The following TFDP1 variants were observed in gnomAD, a reference collection of about 807,000 sequenced individuals.
The protein encoded by TFDP1 is DRTF1-polypeptide 1.
A neutral mutation model predicts 48.0 loss-of-function variants in TFDP1; 6 were observed. That is an observed-to-expected ratio of 0.13 (90% confidence interval 0.07 to 0.25). The LOEUF is 0.25. TFDP1 is among the 10% of genes least tolerant of loss of function. The pLI is 1.00. For missense variants in TFDP1, 335 were observed against 543.0 expected (o/e 0.62, Z 3.81); for synonymous variants, 201 against 211.6 (o/e 0.95, Z 0.44).
chr13:113,635,740 G>A (rs1315766124), intron 8 of TFDP1, among the ~76,000 whole-genome samples: 1 of 150,382 alleles, frequency 6.6e-6, no homozygotes, highest in East Asian at 1.9e-4. Flanking sequence ...CTTTTATCAG[G>A]GCACGGATGG....
chr13:113,617,966 A>G (rs2048904474), intron 3 of TFDP1, among the ~76,000 whole-genome samples: 1 of 152,248 alleles, frequency 6.6e-6, no homozygotes, highest in Admixed American at 6.5e-5. Context: ...ATTCTTAACT[A>G]GTTTTCTTCC....
chr13:113,603,842 T>A (rs2048499489), intron 2 of TFDP1, among the ~76,000 whole-genome samples: 1 of 152,170 alleles, frequency 6.6e-6, no homozygotes, highest in South Asian at 2.1e-4. Context: ...GTGTAAAGAT[T>A]TAACAGGAAA....
intron 4 of TFDP1, among the ~76,000 whole-genome samples, chr13:113,631,006 G>A (rs189759332): frequency 1.0e-3 from 154 of 152,348 alleles, no homozygotes; most frequent in African/African-American, 3.2e-3. Flanking sequence ...GCCTGACGCC[G>A]TTGTGGGTGC....
At chr13:113,591,367 T>G (rs2048142645) in intron 2 of TFDP1, among the ~76,000 whole-genome samples, 1 of 151,998 alleles carries the variant, frequency 6.6e-6, no homozygotes, top group Non-Finnish European at 1.5e-5. Context: ...GAAAAAAGTT[T>G]TGCCCCTAAA....
intron 4 of TFDP1, among the ~76,000 whole-genome samples, chr13:113,629,119 A>G (rs1188924495): frequency 6.6e-6 from 1 of 152,244 alleles, no homozygotes; most frequent in African/African-American, 2.4e-5. Flanking sequence ...GGTGAGGAGC[A>G]GGGACAGTGC....
intron 3 of TFDP1, among the ~76,000 whole-genome samples, chr13:113,614,378 C>G (rs529155814): frequency 1.3e-5 from 2 of 152,286 alleles, no homozygotes; most frequent in African/African-American, 4.8e-5. Flanking sequence ...GCAGGGTCCT[C>G]GGCGCCCTTA....
intron 3 of TFDP1, among the ~76,000 whole-genome samples, chr13:113,613,805 GTC>G (rs60446272): frequency 0.017 from 2,514 of 151,224 alleles, 41 homozygotes; most frequent in Non-Finnish European, 0.022. Context: ...CGTGTGGAGT[GTC>G]TGTGCGTGTC....
At chr13:113,629,059 G>C (rs112996868) in intron 4 of TFDP1, among the ~76,000 whole-genome samples, 1 of 152,180 alleles carries the variant, frequency 6.6e-6, no homozygotes, top group South Asian at 2.1e-4. Context: ...GCTCCAGGCC[G>C]CCCCTGTGAT....
chr13:113,624,643 G>A (rs112510458), intron 4 of TFDP1, among the ~76,000 whole-genome samples: 186 of 97,898 alleles, frequency 1.9e-3, no homozygotes, highest in Middle Eastern at 0.01. Flanking sequence ...CTCTCAGGGT[G>A]TCTCTCACAT....
intron 2 of TFDP1, among the ~76,000 whole-genome samples, chr13:113,594,313 C>T (rs967460551): frequency 1.3e-5 from 2 of 150,578 alleles, no homozygotes; most frequent in Non-Finnish European, 3.0e-5. Context: ...TGTGGGTCCT[C>T]ACCCTGCCCA....
intron 1 of TFDP1, among the ~76,000 whole-genome samples, 181 bp downstream of exon 1, chr13:113,585,069 G>C (rs2047963508): frequency 6.8e-6 from 1 of 146,880 alleles, no homozygotes; most frequent in African/African-American, 2.4e-5. Context: ...GCGCTGGTAG[G>C]GGCTCCCCAG....
Position 113,637,215 on chromosome 13 carries a change from C to CA in TFDP1, c.1006+516dup, listed in dbSNP as rs1235926744. ...TCTTTCCTTGGGGGCCGTAGGGTCC[C>CA]AGCCACTGACAGCAGGATGGCTTTA... On this transcript the variant is annotated intron_variant, in intron 10 of 11. Transcript: ENST00000375370. The CA allele has an allele frequency of 1.4e-4, 27 of 198,718 alleles. No homozygotes were observed. The South Asian group carries it at 2.1e-3, about 16-fold the overall frequency. 12.3% of individuals were successfully genotyped at this position (198,718 alleles called of 1,614,324 possible). A position where few individuals can be genotyped will look rare whatever the true frequency, so the allele number is the denominator to read the frequency against.
At chr13:113,597,395 G>A (rs777344878) in intron 2 of TFDP1, among the ~76,000 whole-genome samples, 12 of 152,190 alleles carry the variant, frequency 7.9e-5, no homozygotes, top group Non-Finnish European at 1.5e-4. Flanking sequence ...ACCCCGTCGC[G>A]CTGTCTGGCA....
chr13:113,636,643 G>A lies in TFDP1; in HGVS notation c.949G>A (p.Glu317Lys), dbSNP rs750015004. ...CGLESGSCSA[E>K]DLKMARSLVP... The stretch of plus-strand genomic sequence containing the variant: ...GCTGGAGTCGGGGAGCTGCTCTGCC[G>A]AAGACCTTAAAATGGCCAGAAGTCT... Residue 317 changes from glutamate (E) to lysine (K), a missense_variant, in exon 10 of 12, where the codon GAA (glutamate) becomes AAA (lysine). Around this residue, in one of 3 missense-constraint regions of TFDP1, gnomAD observed 204 missense variants for 287.1 expected, o/e 0.71. Transcript: ENST00000375370. The A allele has an allele frequency of 1.4e-5, 22 of 1,614,098 alleles. No homozygotes were observed. Among genetic ancestry groups the A allele is most frequent in the African/African-American group, 8.0e-5 (6 of 74,930 alleles).
chr13:113,620,185 C>G (rs1056464713), intron 3 of TFDP1, among the ~76,000 whole-genome samples: 9 of 152,208 alleles, frequency 5.9e-5, no homozygotes. Context: ...GAGGGCAGGC[C>G]GGATGCCCCG....
rs1442638911 is a variant in TFDP1, at chr13:113,636,511, C to T, written c.840-23C>T. The T allele has an allele frequency of 1.9e-6, 3 of 1,611,242 alleles. No individual in the cohort carries two copies. In the Admixed American group the frequency reaches 5.0e-5, roughly 27 times the overall value. ...GTCTCCGCTGGGAGACCCTGTCTTT[C>T]TGACTGTGCCTTTCCCCTTCAGATT... On this transcript the variant is annotated intron_variant, in intron 9 of 11. Coordinates refer to ENST00000375370, the MANE Select transcript of TFDP1 (RefSeq NM_007111.5).
At chr13:113,593,532 C>T (rs1340022085) in intron 2 of TFDP1, among the ~76,000 whole-genome samples, 1 of 139,300 alleles carries the variant, frequency 7.2e-6, no homozygotes, top group Admixed American at 7.1e-5. Flanking sequence ...TCACCCTGCC[C>T]AGGTGACAGG....
intron 3 of TFDP1, among the ~76,000 whole-genome samples, chr13:113,622,885 C>T (rs1246182389): frequency 6.6e-6 from 1 of 152,246 alleles, no homozygotes; most frequent in African/African-American, 2.4e-5. Flanking sequence ...TTTTCCAGGC[C>T]GTGGTCCCCA....
chr13:113,628,237 GAGCCGTGTAGAGACTGTGTCTGA>G (rs1566670122), intron 4 of TFDP1, among the ~76,000 whole-genome samples: 25 of 146,336 alleles, frequency 1.7e-4, no homozygotes, highest in African/African-American at 5.8e-4. Flanking sequence ...AGACTGTCTG[GAGCCGTGTAGAGACTGTGTCTGA>G]AGCCGTGTAA....
Sources: gnomAD v4.1 joint callset for allele counts (sites outside exome capture counted in the v4.1 genomes callset) on GRCh38, gnomAD v4.1.1 for gene constraint, gnomAD v4.1.1 regional missense constraint, MANE v1.5 for transcripts, NCBI Gene and HGNC (gene_info 2026-07-23, HGNC 2026-07-21) for gene names.